Variants in PRDM16 observed in about 807,000 individuals in gnomAD.
The protein encoded by PRDM16 is PR/SET domain 16.
PRDM16 carries 23 observed loss-of-function variants against 110.6 expected under a neutral mutation model. The ratio of observed to expected loss-of-function variants is 0.21; its 90% confidence interval spans 0.15 to 0.29. The LOEUF (loss-of-function observed/expected upper bound fraction) is 0.29, where lower values mean the gene tolerates loss of function less well. Ranked by LOEUF, PRDM16 falls within the 10% of genes least tolerant of loss-of-function variation. The probability of loss-of-function intolerance (pLI) is 1.00; values close to 1 mark genes in which losing one functional copy is unlikely to be tolerated. For missense variants in PRDM16, 1,615 were observed against 1,794.3 expected (o/e 0.90, Z 1.81); for synonymous variants, 799 against 781.8 (o/e 1.02, Z -0.37).
chr1:3,419,809 G>A lies in PRDM16; in HGVS notation c.2939+1065G>A, dbSNP rs74893770. Among the ~76,000 whole-genome samples the A allele has an allele frequency of 2.5e-3, 375 of 152,170 alleles. 7 individuals carry two copies. In the East Asian group the frequency reaches 0.06, roughly 24 times the overall value. On this transcript the variant is annotated intron_variant, in intron 12 of 16. Transcript: ENST00000270722. ...GGTCACTGACCCCCACTCTGAGACA[G>A]AGCAAGCATCCCCGGCTGCCCCAGG...
intron 3 of PRDM16, among the ~76,000 whole-genome samples, chr1:3,332,421 G>A (rs1156359611): frequency 6.6e-6 from 1 of 151,738 alleles, no homozygotes; most frequent in African/African-American, 2.4e-5. Flanking sequence ...GGGGGAGGCC[G>A]TGGGGCGGCT....
chr1:3,109,058 G>C (rs1642727587), intron 1 of PRDM16, among the ~76,000 whole-genome samples: 1 of 149,966 alleles, frequency 6.7e-6, no homozygotes, highest in South Asian at 2.2e-4. Context: ...CTCCAGCCTG[G>C]GTGACAGAGG....
At chr1:3,079,777 G>A (rs1401008779) in intron 1 of PRDM16, among the ~76,000 whole-genome samples, 1 of 152,176 alleles carries the variant, frequency 6.6e-6, no homozygotes, top group Non-Finnish European at 1.5e-5. Flanking sequence ...GGACGTGTGT[G>A]TGCTCTGTGT....
Position 3,157,975 on chromosome 1 carries a change from C to T in PRDM16, c.38-28150C>T, listed in dbSNP as rs117556119. On this transcript the variant is annotated intron_variant, in intron 1 of 16. Transcript: ENST00000270722. This position sits in a 1 kb window ranked among gnomAD's most constrained non-coding sequence, Gnocchi z 4.8. ...TTACAAATGATAAAAACAATGACTG[C>T]TCATTGCAGAAAATACAGAAACAGA... Among the ~76,000 whole-genome samples, 63 of 152,342 alleles carry T rather than the reference C, an allele frequency of 4.1e-4. No individual in the cohort carries two copies. In the East Asian group the frequency reaches 0.012, roughly 29 times the overall value.
chr1:3,269,985 G>T (rs1640399929), intron 3 of PRDM16, among the ~76,000 whole-genome samples: 1 of 150,036 alleles, frequency 6.7e-6, no homozygotes, highest in Non-Finnish European at 1.5e-5. Context: ...TCCAGAGGAG[G>T]ACAGTCAGGG....
In PRDM16 at chr1:3,436,416, G is replaced by T. The variant is rs1256096066; in HGVS notation, c.*2605G>T. The T allele has an allele frequency of 4.3e-6, 1 of 230,790 alleles. No individual in the cohort carries two copies. The highest frequency in any genetic ancestry group is 2.2e-5 in the African/African-American group (1 of 45,126). 14.3% of individuals were successfully genotyped at this position (230,790 alleles called of 1,614,324 possible). On this transcript the variant is annotated 3_prime_UTR_variant, in exon 17 of 17. Transcript: ENST00000270722. ...CCTTCCACCTTTCCCAAGAGTCCTG[G>T]TTGCACGTTTTAAGTCATATATTTT...
Position 3,434,499 on chromosome 1 carries a change from T to C in PRDM16, c.*688T>C, listed in dbSNP as rs2100709340. On this transcript the variant is annotated 3_prime_UTR_variant, in exon 17 of 17. Transcript: ENST00000270722. The stretch of plus-strand genomic sequence containing the variant: ...TCCCTATTTGTATAAGCCAAGGTGA[T>C]GCTGGGTGCCCCGAGGCAGAACAAG... 4.3e-6 allele frequency: 1 copy of C among 231,652 alleles called. No individual in the cohort carries two copies. Among genetic ancestry groups the C allele is most frequent in the Non-Finnish European group, 8.5e-6 (1 of 117,050 alleles). The allele number at this position is 231,652 out of a possible 1,614,324, so 14.3% of individuals were successfully genotyped here.
chr1:3,236,552 C>T (rs966835381), intron 2 of PRDM16, among the ~76,000 whole-genome samples: 5 of 152,196 alleles, frequency 3.3e-5, no homozygotes, highest in Admixed American at 2.0e-4. Flanking sequence ...TGGCCATGGG[C>T]CCCACGCCGG....
rs539559789 is a variant in PRDM16, at chr1:3,130,266, T to A, written c.38-55859T>A. On this transcript the variant is annotated intron_variant, in intron 1 of 16. Transcript: ENST00000270722. ...GTTCCTAGGACCCCCGGGCAGGCGATGTGGACCGTGGGGTTCTGGGGAGAA... is the reference window on the plus strand; with the variant it reads ...GTTCCTAGGACCCCCGGGCAGGCGAAGTGGACCGTGGGGTTCTGGGGAGAA... Among the ~76,000 whole-genome samples the A allele has an allele frequency of 2.8e-4, 43 of 152,302 alleles. 1 individual carries two copies. The South Asian group carries it at 7.2e-3, about 26-fold the overall frequency.
At chr1:3,169,791 TC>T (rs944998717) in intron 1 of PRDM16, among the ~76,000 whole-genome samples, 1 of 151,956 alleles carries the variant, frequency 6.6e-6, no homozygotes, top group East Asian at 1.9e-4. Context: ...AGCCCCTGGT[TC>T]CCCCCGAGCC....
chr1:3,133,061 C>T (rs1422770217), intron 1 of PRDM16: 1 of 152,308 alleles, frequency 6.6e-6, no homozygotes, highest in South Asian at 2.1e-4. Context: ...TCTGCCGTGC[C>T]TCTGACTGGG....
intron 1 of PRDM16, among the ~76,000 whole-genome samples, chr1:3,077,572 G>A (rs1346470347): frequency 1.3e-5 from 2 of 152,208 alleles, no homozygotes; most frequent in African/African-American, 4.8e-5. Context: ...CTTTTTCCTG[G>A]AATTTGGGGT....
intron 5 of PRDM16, among the ~76,000 whole-genome samples, chr1:3,401,694 C>T (rs527892523): frequency 4.6e-4 from 70 of 152,318 alleles, no homozygotes; most frequent in African/African-American, 1.3e-3. Flanking sequence ...GCCACCCATG[C>T]GCACGAACAT....
At chr1:3,119,955 G>A (rs575993825) in intron 1 of PRDM16, among the ~76,000 whole-genome samples, 1 of 137,872 alleles carries the variant, frequency 7.3e-6, no homozygotes, top group Non-Finnish European at 1.5e-5. Flanking sequence ...GTTTCTTGGA[G>A]GGGGGAGAGA....
intron 9 of PRDM16, among the ~76,000 whole-genome samples, chr1:3,413,490 A>G (rs1034023827): frequency 2.0e-5 from 3 of 152,056 alleles, no homozygotes; most frequent in Admixed American, 2.0e-4. Context: ...GCCCCTCCCT[A>G]GAATGCAGGT....
rs920176243 is a variant in PRDM16 at position 3,390,412 on chromosome 1, A to G, written c.573+5126A>G. ...CGACCTGTAGCACCCCTGGATTGAGAGAAGCAGCCCCAATCTGCATAGCGC... is the reference window on the plus strand; with the variant it reads ...CGACCTGTAGCACCCCTGGATTGAGGGAAGCAGCCCCAATCTGCATAGCGC... On this transcript the variant is annotated intron_variant, in intron 4 of 16. Transcript: ENST00000270722. This position sits in a 1 kb window ranked among gnomAD's most constrained non-coding sequence, Gnocchi z 5.0. Among the ~76,000 whole-genome samples the G allele has an allele frequency of 1.2e-4, 18 of 152,134 alleles. No individual in the cohort carries two copies. The highest frequency in any genetic ancestry group is 4.3e-4 in the African/African-American group (18 of 41,436).
intron 12 of PRDM16, among the ~76,000 whole-genome samples, chr1:3,419,315 C>T (rs1045705742): frequency 1.1e-4 from 17 of 152,232 alleles, no homozygotes; most frequent in African/African-American, 3.9e-4. Flanking sequence ...AGGATCCCCC[C>T]GTGCTCCTCT....
chr1:3,219,931 C>T (rs190549208), intron 2 of PRDM16, among the ~76,000 whole-genome samples: 3 of 152,298 alleles, frequency 2.0e-5, no homozygotes, highest in Admixed American at 6.5e-5. Context: ...GGACCCAGAC[C>T]GGCGGAGTCT....
Position 3,081,338 on chromosome 1 carries a change from T to C in PRDM16, c.37+12042T>C, listed in dbSNP as rs2100578076. Among the ~76,000 whole-genome samples the C allele has an allele frequency of 6.6e-6, 1 of 152,294 alleles. No individual in the cohort carries two copies. The highest frequency in any genetic ancestry group is 2.1e-4 in the South Asian group (1 of 4,822). On this transcript the variant is annotated intron_variant, in intron 1 of 16. Coordinates refer to ENST00000270722, the MANE Select transcript of PRDM16 (RefSeq NM_022114.4). The surrounding 1 kb of genome is among the most constrained non-coding windows in gnomAD (Gnocchi z 4.6). ...GAGGGTTTTAGGTTGCGTCCGCTCC[T>C]GACAGGTGACCCTTGTTCAAAGGGA...
Sources: allele counts gnomAD v4.1 joint callset (sites outside exome capture counted in the v4.1 genomes callset), GRCh38; gene constraint gnomAD v4.1.1; non-coding constraint Gnocchi (gnomAD v3.1); transcripts MANE v1.5; gene names NCBI Gene and HGNC (gene_info 2026-07-23, HGNC 2026-07-21).